The following SLC1A3 variants were observed in gnomAD, a reference collection of about 807,000 sequenced individuals.
The protein encoded by SLC1A3 is solute carrier family 1 member 3.
A neutral mutation model predicts 48.1 loss-of-function variants in SLC1A3; 21 were observed. That is an observed-to-expected ratio of 0.44 (90% CI 0.31 to 0.63). SLC1A3 has a LOEUF of 0.63. SLC1A3 is among the 20% of genes least tolerant of loss of function. The pLI, the probability that SLC1A3 is intolerant of heterozygous loss-of-function variation, is 0.08. For synonymous variants in SLC1A3, 239 were observed against 251.4 expected (o/e 0.95, Z 0.47); for missense variants, 546 against 689.0 (o/e 0.79, Z 2.32).
rs1331360956 is a variant in SLC1A3, at chr5:36,640,511, T to C, written c.319+10924T>C. On this transcript the variant is annotated intron_variant, in intron 3 of 9. Transcript: ENST00000265113. ...TTTAAAACAATTGTTTGAGTTTCCA[T>C]CCAGGTTTTCTTCAAAGGGAAGAAA... Among the ~76,000 whole-genome samples, 3 of 152,208 alleles carry C rather than the reference T, an allele frequency of 2.0e-5. No homozygotes were observed. The East Asian group carries it at 5.8e-4, about 29-fold the overall frequency.
chr5:36,604,449 T>C (rs926303540), upstream of SLC1A3, among the ~76,000 whole-genome samples: 2 of 152,206 alleles, frequency 1.3e-5, no homozygotes, highest in East Asian at 1.9e-4. Flanking sequence ...ACTTTTGCTA[T>C]AGCTTTCCAG....
intron 2 of SLC1A3, among the ~76,000 whole-genome samples, chr5:36,623,039 G>T (rs1362931758): frequency 1.4e-5 from 2 of 147,448 alleles, no homozygotes; most frequent in Admixed American, 1.3e-4. Context: ...AAAAAAAGAA[G>T]TGTTTGTTGT....
upstream of SLC1A3, among the ~76,000 whole-genome samples, chr5:36,602,342 T>G (rs954692512): frequency 6.6e-6 from 1 of 151,874 alleles, no homozygotes; most frequent in South Asian, 2.1e-4. Flanking sequence ...AATAATAGAG[T>G]AGAATAGACC....
chr5:36,679,668 T>C lies in SLC1A3; in HGVS notation c.902T>C (p.Ile301Thr). 6.2e-7 allele frequency: 1 copy of C among 1,614,152 alleles called. No homozygotes were observed. The highest frequency in any genetic ancestry group is 1.7e-4 in the Middle Eastern group (1 of 6,060). ...VGILFLIAGK[I>T]VEMEDMGVIG... ...ATTCTCTTCCTGATTGCTGGGAAGA[T>C]TGTGGAGATGGAAGACATGGGTGTG... Residue 301 changes from isoleucine (I) to threonine (T), a missense_variant, in exon 7 of 10, where the codon ATT becomes ACT. Transcript: ENST00000265113.
At chr5:36,674,220 C>T (rs949736033) in intron 5 of SLC1A3, 129 bp downstream of exon 5, 5 of 791,902 alleles carry the variant, frequency 6.3e-6, no homozygotes, top group African/African-American at 3.5e-5. Flanking sequence ...AGATTAAAAA[C>T]ACTAGCGTTT....
chr5:36,620,633 T>G (rs1354297101), intron 2 of SLC1A3, among the ~76,000 whole-genome samples: 2 of 152,184 alleles, frequency 1.3e-5, no homozygotes, highest in Non-Finnish European at 2.9e-5. Context: ...GTTTGTTCAT[T>G]CGTTCAACAA....
chr5:36,651,417 C>T (rs1741066600), intron 3 of SLC1A3, among the ~76,000 whole-genome samples: 1 of 152,142 alleles, frequency 6.6e-6, no homozygotes, highest in Non-Finnish European at 1.5e-5. Context: ...ACAAAGGTAG[C>T]ATGTTCTTCC....
chr5:36,688,164 C>A lies in SLC1A3; in HGVS notation c.*1895C>A, dbSNP rs1561290871. ...TAATCATATCAACTTAATTCTGTTA[C>A]ACAATATGTGTTTTTTAATATACTA... On this transcript the variant is annotated 3_prime_UTR_variant, in exon 10 of 10. Transcript: ENST00000265113. 1 of 152,194 alleles carries A rather than the reference C, an allele frequency of 6.6e-6. No individual in the cohort carries two copies. The highest frequency in any genetic ancestry group is 2.4e-5 in the African/African-American group (1 of 41,442). The allele number at this position is 152,194 out of a possible 1,614,324, so 9.4% of individuals were successfully genotyped here. A position where few individuals can be genotyped will look rare whatever the true frequency, so the allele number is the denominator to read the frequency against.
At chr5:36,619,817 AT>A (rs1311123997) in intron 2 of SLC1A3, among the ~76,000 whole-genome samples, 1 of 152,188 alleles carries the variant, frequency 6.6e-6, no homozygotes, top group African/African-American at 2.4e-5. Flanking sequence ...TTGCTAAAAC[AT>A]TTTTTGACTC....
intron 3 of SLC1A3, among the ~76,000 whole-genome samples, chr5:36,630,711 G>A (rs934170097): frequency 1.3e-5 from 2 of 152,182 alleles, no homozygotes; most frequent in African/African-American, 4.8e-5. Context: ...TACATGCCTT[G>A]GAGGGCTGGC....
chr5:36,674,521 T>C (rs1742129444), intron 5 of SLC1A3, among the ~76,000 whole-genome samples: 1 of 151,404 alleles, frequency 6.6e-6, no homozygotes, highest in Non-Finnish European at 1.5e-5. Flanking sequence ...TTTTCAAGTC[T>C]ACCAAGCACC....
chr5:36,678,108 C>A (rs994691704), intron 6 of SLC1A3, among the ~76,000 whole-genome samples: 1 of 152,192 alleles, frequency 6.6e-6, no homozygotes, highest in African/African-American at 2.4e-5. Flanking sequence ...CTCTTTCATT[C>A]TTTATTTTTA....
At chr5:36,615,525 C>G (rs1477434734) in intron 2 of SLC1A3, among the ~76,000 whole-genome samples, 4 of 152,184 alleles carry the variant, frequency 2.6e-5, no homozygotes, top group Non-Finnish European at 5.9e-5. Context: ...GGGCCCCTGG[C>G]TCTGGGTCTG....
At chr5:36,678,189 T>G (rs779346734) in intron 6 of SLC1A3, among the ~76,000 whole-genome samples, 3 of 152,204 alleles carry the variant, frequency 2.0e-5, no homozygotes, top group Non-Finnish European at 4.4e-5. Context: ...GTCACCAACA[T>G]GATTAAAAAT....
chr5:36,645,319 CTTT>C lies in SLC1A3; in HGVS notation c.319+15759_319+15761del, dbSNP rs68027582. Among the ~76,000 whole-genome samples the C allele has an allele frequency of 8.1e-3, 681 of 84,270 alleles. 106 individuals carry two copies. Among genetic ancestry groups the C allele is most frequent in the African/African-American group, 0.028 (657 of 23,460 alleles). The allele number at this position is 84,270 out of a possible 152,430, so 55.3% of individuals were successfully genotyped here. Reference sequence around the variant, plus strand: ...ATCTTTGAGGACTGACTTCCGCTGCCTTTTTTTTTTTTTTTTTTTTTTTTTTTT... The same window carrying C: ...ATCTTTGAGGACTGACTTCCGCTGCCTTTTTTTTTTTTTTTTTTTTTTTTT... On this transcript the variant is annotated intron_variant, in intron 3 of 9. Transcript: ENST00000265113.
At chr5:36,623,819 C>A (rs924324580) in intron 2 of SLC1A3, among the ~76,000 whole-genome samples, 1 of 148,198 alleles carries the variant, frequency 6.7e-6, no homozygotes, top group Admixed American at 6.8e-5. Context: ...GCCGAGATTG[C>A]GCCACTGCAC....
intron 3 of SLC1A3, among the ~76,000 whole-genome samples, chr5:36,632,481 A>G (rs1482482632): frequency 6.6e-6 from 1 of 152,180 alleles, no homozygotes; most frequent in Non-Finnish European, 1.5e-5. Context: ...ACAAATTGCT[A>G]TTGGAAAGCC....
chr5:36,614,883 G>A (rs1739368487), intron 2 of SLC1A3, among the ~76,000 whole-genome samples: 1 of 152,112 alleles, frequency 6.6e-6, no homozygotes, highest in South Asian at 2.1e-4. Context: ...TCTTAATGTT[G>A]TTCTAAGTGT....
chr5:36,668,016 CA>C (rs749374249), intron 3 of SLC1A3: 3 of 152,242 alleles, frequency 2.0e-5, no homozygotes, highest in Non-Finnish European at 2.9e-5. Context: ...CAATTACCTA[CA>C]TACCAAAGTA....
Sources: gnomAD v4.1 joint callset for allele counts (sites outside exome capture counted in the v4.1 genomes callset) on GRCh38, gnomAD v4.1.1 for gene constraint, MANE v1.5 for transcripts, NCBI Gene and HGNC (gene_info 2026-07-23, HGNC 2026-07-21) for gene names.